The following PRDM10 variants were observed in gnomAD, a reference collection of about 807,000 sequenced individuals.
PRDM10 encodes the protein PR/SET domain 10.
In PRDM10, 65 loss-of-function variants were observed where a neutral mutation model predicts 133.1. The ratio of observed to expected loss-of-function variants is 0.49; its 90% CI spans 0.40 to 0.60. The LOEUF is 0.60. Ranked by LOEUF, PRDM10 falls within the 20% of genes least tolerant of loss-of-function variation. The pLI, the probability that PRDM10 is intolerant of heterozygous loss-of-function variation, is 0.00. For synonymous variants in PRDM10, 582 were observed against 580.4 expected (o/e 1.00, Z -0.04); for missense variants, 1,137 against 1,507.1 (o/e 0.75, Z 4.07).
intron 1 of PRDM10, among the ~76,000 whole-genome samples, chr11:129,985,622 T>A (rs538946992): frequency 2.0e-5 from 3 of 151,124 alleles, no homozygotes; most frequent in African/African-American, 7.3e-5. Flanking sequence ...CAAGACCCTG[T>A]CTCTACAAAA....
At chr11:129,981,618 A>C (rs892135799) in intron 1 of PRDM10, among the ~76,000 whole-genome samples, 1 of 152,082 alleles carries the variant, frequency 6.6e-6, no homozygotes, top group African/African-American at 2.4e-5. Context: ...CTGATGGGCC[A>C]GGTGCGGTGC....
rs1215576780 is a variant in PRDM10, at chr11:129,957,795, T to A, written c.185A>T (p.Asp62Val). 1 of 1,614,100 alleles carries A rather than the reference T, an allele frequency of 6.2e-7. No individual in the cohort carries two copies. The highest frequency in any genetic ancestry group is 8.5e-7 in the Non-Finnish European group (1 of 1,180,028). The change falls in exon 3 of 21, where the codon GAT becomes GTT. Residue 62 changes from aspartate (D) to valine (V), a missense_variant. Transcript: ENST00000360871. ...TADGASYTSV[D>V]GPEHTLVYIH... ...GTACACCAGCGTGTGCTCTGGACCATCCACTGATGTGTAGGAGGCACCATC... is the reference window on the plus strand; with the variant it reads ...GTACACCAGCGTGTGCTCTGGACCAACCACTGATGTGTAGGAGGCACCATC...
chr11:129,983,792 G>C (rs1938252377), intron 1 of PRDM10, among the ~76,000 whole-genome samples: 1 of 151,088 alleles, frequency 6.6e-6, no homozygotes, highest in South Asian at 2.1e-4. Flanking sequence ...ACTATAAGAA[G>C]AACATACTCC....
intron 13 of PRDM10, among the ~76,000 whole-genome samples, chr11:129,921,668 G>A (rs1241712667): frequency 1.3e-5 from 2 of 152,200 alleles, no homozygotes; most frequent in African/African-American, 4.8e-5. Flanking sequence ...ACTTGGCTAA[G>A]GGGAACTACA....
chr11:129,943,438 A>G (rs973436651), intron 6 of PRDM10, among the ~76,000 whole-genome samples: 1 of 152,220 alleles, frequency 6.6e-6, no homozygotes, highest in Non-Finnish European at 1.5e-5. Context: ...CTCAAAATCC[A>G]TGTTGAAGTT....
intron 1 of PRDM10, among the ~76,000 whole-genome samples, chr11:129,978,656 C>T (rs1311038079): frequency 1.3e-5 from 2 of 152,196 alleles, no homozygotes; most frequent in East Asian, 1.9e-4. Context: ...CTTTGCCCTG[C>T]CACTTCCCAT....
chr11:129,939,018 C>T (rs1305054432), intron 7 of PRDM10, among the ~76,000 whole-genome samples: 1 of 152,192 alleles, frequency 6.6e-6, no homozygotes, highest in African/African-American at 2.4e-5. Context: ...GTAGTGCTGG[C>T]CCCATTCCAT....
At chr11:129,958,773 G>T (rs1201140055) in intron 2 of PRDM10, among the ~76,000 whole-genome samples, 1 of 152,196 alleles carries the variant, frequency 6.6e-6, no homozygotes, top group Non-Finnish European at 1.5e-5. Flanking sequence ...TTCCTTGCCG[G>T]GTAGGTGAAG....
Position 129,903,138 on chromosome 11 carries a change from T to C in PRDM10, c.3268-622A>G, listed in dbSNP as rs565800153. Reference sequence around the variant, plus strand: ...GAAGAAACTCCGTCTCTACTAAACATACAAAAAAAATTAGCCGGGCGTGGT... The same window carrying C: ...GAAGAAACTCCGTCTCTACTAAACACACAAAAAAAATTAGCCGGGCGTGGT... On this transcript the variant is annotated intron_variant, in intron 20 of 20. Coordinates refer to ENST00000360871, the MANE Select transcript of PRDM10 (RefSeq NM_199437.2). Among the ~76,000 whole-genome samples, 8 of 151,640 alleles carry C rather than the reference T, an allele frequency of 5.3e-5. No individual in the cohort carries two copies. The East Asian group carries it at 1.4e-3, about 26-fold the overall frequency.
chr11:129,960,674 G>A (rs1053669350), intron 2 of PRDM10, among the ~76,000 whole-genome samples: 6 of 152,098 alleles, frequency 3.9e-5, no homozygotes, highest in East Asian at 1.9e-4. Context: ...CAGACAAGGC[G>A]GAGAAGCCTA....
At position 129,971,929 on chromosome 11, in the gene PRDM10, G is replaced by C. The variant is rs546452467; in HGVS notation, c.-118-10847C>G. Among the ~76,000 whole-genome samples the C allele has an allele frequency of 3.8e-3, 581 of 152,352 alleles. 1 individual carries two copies. Among genetic ancestry groups the C allele is most frequent in the African/African-American group, 0.012 (499 of 41,582 alleles). Reference sequence around the variant, plus strand: ...TTGGGCTGCACAGGAACCCACGGAGGGGGTGGGAGGCTCAGGCATGGCGGG... The same window carrying C: ...TTGGGCTGCACAGGAACCCACGGAGCGGGTGGGAGGCTCAGGCATGGCGGG... On this transcript the variant is annotated intron_variant, in intron 1 of 20. Coordinates refer to ENST00000360871, the MANE Select transcript of PRDM10 (RefSeq NM_199437.2).
intron 11 of PRDM10, among the ~76,000 whole-genome samples, chr11:129,927,175 TCAAAAAAAAAAAAAAAAAAA>T (rs1355191249): frequency 2.6e-5 from 1 of 39,166 alleles, no homozygotes; most frequent in African/African-American, 1.2e-4. Context: ...AGACTCTGTC[TCAAAAAAAAAAAAAAAAAAA>T]AAAAAAAAAA....
chr11:129,938,226 C>G (rs909518664), intron 7 of PRDM10, among the ~76,000 whole-genome samples: 1 of 151,482 alleles, frequency 6.6e-6, no homozygotes, highest in African/African-American at 2.4e-5. Context: ...CATTTCCAAC[C>G]AACTCTATGC....
intron 1 of PRDM10, among the ~76,000 whole-genome samples, chr11:129,980,107 G>A (rs779062030): frequency 5.9e-5 from 9 of 152,142 alleles, no homozygotes; most frequent in African/African-American, 9.7e-5. Context: ...GAAGGTAAAG[G>A]GTGCAACCAC....
intron 20 of PRDM10, among the ~76,000 whole-genome samples, chr11:129,903,673 C>T (rs1300902243): frequency 6.6e-6 from 1 of 152,174 alleles, no homozygotes; most frequent in African/African-American, 2.4e-5. Flanking sequence ...AGGCAGTAGC[C>T]TGTCTGCACT....
At chr11:129,927,176 C>CAAAAAAAAA (rs57015735) in intron 11 of PRDM10, among the ~76,000 whole-genome samples, 4 of 79,372 alleles carry the variant, frequency 5.0e-5, no homozygotes, top group African/African-American at 8.6e-5. Context: ...GACTCTGTCT[C>CAAAAAAAAA]AAAAAAAAAA....
At position 129,947,034 on chromosome 11, in the gene PRDM10, C is replaced by T. The variant is rs1951436577; in HGVS notation, c.520+111G>A. 1.4e-6 allele frequency: 2 copies of T among 1,426,028 alleles called. No individual in the cohort carries two copies. The highest frequency in any genetic ancestry group is 2.3e-5 in the East Asian group (1 of 43,570). 88.3% of individuals were successfully genotyped at this position (1,426,028 alleles called of 1,614,324 possible). On this transcript the variant is annotated intron_variant, in intron 5 of 20. Transcript: ENST00000360871. This position sits in a 1 kb window ranked among gnomAD's most constrained non-coding sequence, Gnocchi z 4.6. Reference sequence around the variant, plus strand: ...CAAGCAGAGAATGTAGCACAGTTGGCTGCACACGGAAGGACCTGACGCACG... The same window carrying T: ...CAAGCAGAGAATGTAGCACAGTTGGTTGCACACGGAAGGACCTGACGCACG...
rs1950299424 is a variant in PRDM10, at chr11:129,914,739, G to C, written c.2806C>G (p.Gln936Glu). The change falls in exon 17 of 21, where the codon CAG becomes GAG. Residue 936 changes from glutamine to glutamate, a missense_variant. Transcript: ENST00000360871. ...SQSASGLQQPQHIQLQVVQVA... is the reference protein window; with the variant it reads ...SQSASGLQQPEHIQLQVVQVA... ...TGAACCACTTGCAGCTGTATGTGCT[G>C]AGGCTGCTGGAGGCCAGACGCCGAC... 1 of 1,614,234 alleles carries C rather than the reference G, an allele frequency of 6.2e-7. No homozygotes were observed. The highest frequency in any genetic ancestry group is 8.5e-7 in the Non-Finnish European group (1 of 1,180,034).
At position 129,945,538 on chromosome 11, in the gene PRDM10, T is replaced by C. The variant is rs896798419; in HGVS notation, c.521-526A>G. On this transcript the variant is annotated intron_variant, in intron 5 of 20. Transcript: ENST00000360871. This position sits in a 1 kb window ranked among gnomAD's most constrained non-coding sequence, Gnocchi z 4.2. ...AAAAAGGGTTGTGCGGTCTGAGAGT[T>C]CAGTGCATACTGTCTGATTAGATAA... Among the ~76,000 whole-genome samples, 1 of 152,252 alleles carries C rather than the reference T, an allele frequency of 6.6e-6. No homozygotes were observed. The highest frequency in any genetic ancestry group is 1.5e-5 in the Non-Finnish European group (1 of 68,038).
Sources: gnomAD v4.1 joint callset for allele counts (sites outside exome capture counted in the v4.1 genomes callset) on GRCh38, gnomAD v4.1.1 for gene constraint, Gnocchi (gnomAD v3.1) non-coding constraint, MANE v1.5 for transcripts, NCBI Gene and HGNC (gene_info 2026-07-23, HGNC 2026-07-21) for gene names.